The following SORCS2 variants were observed in gnomAD, a reference collection of about 807,000 sequenced individuals.
The protein encoded by SORCS2 is sortilin related VPS10 domain containing receptor 2, also known as VPS10 domain-containing receptor SorCS2.
A neutral mutation model predicts 141.6 loss-of-function variants in SORCS2; 100 were observed. That is an observed-to-expected ratio of 0.71 (90% CI 0.60 to 0.83). The LOEUF (loss-of-function observed/expected upper bound fraction) is 0.83, where lower values mean the gene tolerates loss of function less well. Ranked by LOEUF, SORCS2 falls within the 40% of genes least tolerant of loss-of-function variation. SORCS2 has a pLI of 0.00. For synonymous variants in SORCS2, 789 were observed against 676.9 expected, an observed-to-expected ratio of 1.17 and a Z score of -2.57; for missense variants, 1,646 against 1,560.2, an observed-to-expected ratio of 1.05 and a Z score of -0.93.
intron 2 of SORCS2, among the ~76,000 whole-genome samples, chr4:7,490,018 G>C (rs1731221652): frequency 6.6e-6 from 1 of 152,188 alleles, no homozygotes; most frequent in Non-Finnish European, 1.5e-5. Context: ...GGTCTAGAAA[G>C]ATCTCCAGAC....
intron 14 of SORCS2, among the ~76,000 whole-genome samples, chr4:7,709,104 C>T (rs915066111): frequency 1.3e-5 from 2 of 152,146 alleles, no homozygotes; most frequent in African/African-American, 4.8e-5. Context: ...AAGGGAGTCC[C>T]GCCACCAGGC....
At chr4:7,232,224 G>A (rs1424059277) in intron 1 of SORCS2, among the ~76,000 whole-genome samples, 1 of 152,178 alleles carries the variant, frequency 6.6e-6, no homozygotes, top group Non-Finnish European at 1.5e-5. Context: ...GGGAGGCCTG[G>A]GCTTTGGCAG....
chr4:7,266,786 G>A (rs1453544298), intron 1 of SORCS2, among the ~76,000 whole-genome samples: 1 of 152,194 alleles, frequency 6.6e-6, no homozygotes, highest in African/African-American at 2.4e-5. Flanking sequence ...TAAGACTCTG[G>A]CCACGTTCTG....
intron 3 of SORCS2, among the ~76,000 whole-genome samples, chr4:7,584,316 GC>G (rs1329810639): frequency 2.0e-5 from 3 of 152,198 alleles, no homozygotes; most frequent in Non-Finnish European, 4.4e-5. Context: ...AACCCCAGAG[GC>G]CCAGTTTCTT....
At chr4:7,479,017 A>G (rs937406949) in intron 2 of SORCS2, among the ~76,000 whole-genome samples, 1 of 152,194 alleles carries the variant, frequency 6.6e-6, no homozygotes, top group Non-Finnish European at 1.5e-5. Flanking sequence ...TCCAGGGTCA[A>G]AGCTTCTCTA....
chr4:7,329,376 C>T (rs1719496622), intron 1 of SORCS2, among the ~76,000 whole-genome samples: 1 of 152,192 alleles, frequency 6.6e-6, no homozygotes, highest in Non-Finnish European at 1.5e-5. Flanking sequence ...AAGACTCTTC[C>T]CACCCATGGA....
intron 2 of SORCS2, among the ~76,000 whole-genome samples, chr4:7,436,364 C>T (rs1240233876): frequency 1.3e-5 from 2 of 152,260 alleles, no homozygotes; most frequent in Non-Finnish European, 2.9e-5. Flanking sequence ...AGGGCACCCA[C>T]TCGCATCCCA....
chr4:7,664,757 C>A lies in SORCS2; in HGVS notation c.1071+286C>A, dbSNP rs577915158. ...GTCCCCAAACCTAAGCCCATTTAGC[C>A]CCATTTGGCTTTATCAGTGACTTTG... On this transcript the variant is annotated intron_variant, in intron 7 of 26. Coordinates refer to ENST00000507866, the MANE Select transcript of SORCS2 (RefSeq NM_020777.3). This position sits in a 1 kb window ranked among gnomAD's most constrained non-coding sequence, Gnocchi z 4.7. Among the ~76,000 whole-genome samples, 11 of 152,088 alleles carry A rather than the reference C, an allele frequency of 7.2e-5. No homozygotes were observed. The highest frequency in any genetic ancestry group is 1.3e-4 in the Non-Finnish European group (9 of 68,022).
At position 7,664,521 on chromosome 4, in the gene SORCS2, G is replaced by C. The variant is rs1722384368; in HGVS notation, c.1071+50G>C. On this transcript the variant is annotated intron_variant, in intron 7 of 26. Coordinates refer to ENST00000507866, the MANE Select transcript of SORCS2 (RefSeq NM_020777.3). The surrounding 1 kb of genome is among the most constrained non-coding windows in gnomAD (Gnocchi z 4.7). ...GAAATTGGCAACAGGTGACGTGGCG[G>C]ATGACCCGTTCGCGGCAAAAATGGC... The C allele has an allele frequency of 1.1e-5, 15 of 1,386,988 alleles. No individual in the cohort carries two copies. Among genetic ancestry groups the C allele is most frequent in the Non-Finnish European group, 1.5e-5 (15 of 1,003,938 alleles). The allele number at this position is 1,386,988 out of a possible 1,614,324, so 85.9% of individuals were successfully genotyped here. A position where few individuals can be genotyped will look rare whatever the true frequency, so the allele number is the denominator to read the frequency against.
intron 1 of SORCS2, among the ~76,000 whole-genome samples, chr4:7,389,125 A>C (rs1443398265): frequency 1.3e-5 from 2 of 152,070 alleles, no homozygotes; most frequent in Admixed American, 1.3e-4. Context: ...TTGGTGAACA[A>C]ATTCTGTTCC....
At position 7,339,556 on chromosome 4, in the gene SORCS2, G is replaced by GTCTC. The variant is rs201255736; in HGVS notation, c.481-56730_481-56727dup. Among the ~76,000 whole-genome samples the GTCTC allele has an allele frequency of 6.6e-3, 1,006 of 152,258 alleles. 11 individuals carry two copies. The highest frequency in any genetic ancestry group is 0.022 in the African/African-American group (918 of 41,548). ...CATGGCCTGTAGATGCCCCACCCTGGTCTCTGCCTGCATCTTCACACGGTG... is the reference window on the plus strand; with the variant it reads ...CATGGCCTGTAGATGCCCCACCCTGGTCTCTCTCTGCCTGCATCTTCACACGGTG... On this transcript the variant is annotated intron_variant, in intron 1 of 26. Transcript: ENST00000507866.
At chr4:7,655,531 C>G (rs919855883) in intron 5 of SORCS2, among the ~76,000 whole-genome samples, 2 of 152,254 alleles carry the variant, frequency 1.3e-5, no homozygotes, top group African/African-American at 4.8e-5. Flanking sequence ...GACTGGCGTC[C>G]TGGCCACCCC....
At chr4:7,405,821 C>T (rs1032082936) in intron 2 of SORCS2, among the ~76,000 whole-genome samples, 1 of 152,036 alleles carries the variant, frequency 6.6e-6, no homozygotes, top group South Asian at 2.1e-4. Context: ...AATTTGGATG[C>T]CTTTCATTTC....
At chr4:7,545,879 C>T (rs1713223343) in intron 3 of SORCS2, among the ~76,000 whole-genome samples, 4 of 152,248 alleles carry the variant, frequency 2.6e-5, no homozygotes, top group African/African-American at 7.2e-5. Context: ...ACATTTATTT[C>T]TCATAGCTCT....
chr4:7,494,600 C>T (rs1731502977), intron 2 of SORCS2, among the ~76,000 whole-genome samples: 1 of 152,198 alleles, frequency 6.6e-6, no homozygotes, highest in Non-Finnish European at 1.5e-5. Flanking sequence ...ATGACCTCAT[C>T]CAACCCTAAT....
intron 2 of SORCS2, among the ~76,000 whole-genome samples, chr4:7,421,792 C>T (rs561777270): frequency 6.6e-6 from 1 of 152,022 alleles, no homozygotes; most frequent in South Asian, 2.1e-4. Context: ...CTCCTCCAGT[C>T]TGGAGGGCTC....
intron 1 of SORCS2, among the ~76,000 whole-genome samples, chr4:7,323,255 G>A (rs1719019810): frequency 6.6e-6 from 1 of 152,202 alleles, no homozygotes; most frequent in African/African-American, 2.4e-5. Flanking sequence ...GTAAGATGAG[G>A]AGCATCCTAG....
chr4:7,454,380 G>T (rs1728718639), intron 2 of SORCS2, among the ~76,000 whole-genome samples: 1 of 139,180 alleles, frequency 7.2e-6, no homozygotes, highest in Admixed American at 7.1e-5. Flanking sequence ...GTGTGTTGGG[G>T]TCAGGTGCTG....
chr4:7,525,230 C>T (rs906797896), intron 2 of SORCS2, among the ~76,000 whole-genome samples: 3 of 152,114 alleles, frequency 2.0e-5, no homozygotes, highest in African/African-American at 7.2e-5. Flanking sequence ...CTGGGAAGAA[C>T]GGATCCCTTT....
Sources: gnomAD v4.1 joint callset for allele counts (sites outside exome capture counted in the v4.1 genomes callset) on GRCh38, gnomAD v4.1.1 for gene constraint, Gnocchi (gnomAD v3.1) non-coding constraint, MANE v1.5 for transcripts, NCBI Gene and HGNC (gene_info 2026-07-23, HGNC 2026-07-21) for gene names.